Variants in PTPRO observed in about 807,000 individuals in gnomAD.
PTPRO encodes the protein protein tyrosine phosphatase receptor type O, also known as receptor-type tyrosine-protein phosphatase O.
Under a neutral mutation model 145.2 loss-of-function variants are expected in PTPRO, and 62 were observed. That is an observed-to-expected ratio of 0.43 (90% CI 0.35 to 0.53). The LOEUF is 0.53. Among genes scored for constraint, PTPRO ranks in the 20% least tolerant of loss-of-function variants. The pLI, the probability that PTPRO is intolerant of heterozygous loss-of-function variation, is 0.01. For synonymous variants in PTPRO, 565 were observed against 514.7 expected, an observed-to-expected ratio of 1.10 and a Z score of -1.32; for missense variants, 1,345 against 1,482.7, an observed-to-expected ratio of 0.91 and a Z score of 1.53.
chr12:15,346,399 G>A (rs1216996664), intron 1 of PTPRO: 1 of 152,172 alleles, frequency 6.6e-6, no homozygotes, highest in Non-Finnish European at 1.5e-5. Flanking sequence ...TCAGATGACA[G>A]TATACCTGCA....
Position 15,381,960 on chromosome 12 carries a change from T to C in PTPRO, c.75+59159T>C, listed in dbSNP as rs557672352. 7.8e-4 allele frequency among the ~76,000 whole-genome samples: 119 copies of C among 152,108 alleles called. No homozygotes were observed. The Middle Eastern group carries it at 0.017, about 22-fold the overall frequency. On this transcript the variant is annotated intron_variant, in intron 1 of 26. Coordinates refer to ENST00000281171, the MANE Select transcript of PTPRO (RefSeq NM_030667.3). ...AGATATACCTAACAATAATAGCCTT[T>C]TGTGGAAGATTATCTGAGCAAAATA...
intron 1 of PTPRO, among the ~76,000 whole-genome samples, chr12:15,445,852 T>C (rs1002905229): frequency 6.6e-6 from 1 of 152,118 alleles, no homozygotes; most frequent in Non-Finnish European, 1.5e-5. Context: ...CTTTGACATG[T>C]CTGGAACAAA....
At chr12:15,411,283 T>C (rs574831188) in intron 1 of PTPRO, among the ~76,000 whole-genome samples, 18 of 152,366 alleles carry the variant, frequency 1.2e-4, no homozygotes, top group East Asian at 3.9e-4. Flanking sequence ...TTTTTCTCCA[T>C]GTTTGCTTCC....
intron 1 of PTPRO, among the ~76,000 whole-genome samples, chr12:15,343,038 T>C (rs1438381430): frequency 6.6e-6 from 1 of 152,164 alleles, no homozygotes; most frequent in Non-Finnish European, 1.5e-5. Context: ...TTATCTAATT[T>C]TATCTTCCTC....
chr12:15,546,527 C>T, intron 12 of PTPRO, 42 bp from the exon 13 acceptor site: 1 of 1,549,402 alleles, frequency 6.5e-7, no homozygotes, highest in Middle Eastern at 1.7e-4. Context: ...AAAGAATACA[C>T]TTAGTAAATT....
intron 1 of PTPRO, among the ~76,000 whole-genome samples, chr12:15,362,045 G>A (rs1393951064): frequency 6.6e-6 from 1 of 152,124 alleles, no homozygotes; most frequent in Non-Finnish European, 1.5e-5. Flanking sequence ...CTGTGTGGAG[G>A]AGAATAAATT....
At chr12:15,403,568 G>A (rs954921658) in intron 1 of PTPRO, among the ~76,000 whole-genome samples, 6 of 152,182 alleles carry the variant, frequency 3.9e-5, no homozygotes, top group Non-Finnish European at 8.8e-5. Flanking sequence ...GGGTGAGAGA[G>A]CGAGACTCCG....
At chr12:15,500,089 GGATGGA>G (rs1942188864) in intron 4 of PTPRO, among the ~76,000 whole-genome samples, 7 of 151,790 alleles carry the variant, frequency 4.6e-5, no homozygotes, top group South Asian at 2.1e-4. Context: ...ATGGGTGGAT[GGATGGA>G]TGGATGGATG....
chr12:15,523,619 A>G (rs563973914), intron 10 of PTPRO, among the ~76,000 whole-genome samples: 1 of 152,056 alleles, frequency 6.6e-6, no homozygotes, highest in African/African-American at 2.4e-5. Flanking sequence ...TACAAAAAAT[A>G]TAAAAATTAG....
chr12:15,332,474 G>T (rs1417536738), intron 1 of PTPRO, among the ~76,000 whole-genome samples: 1 of 152,112 alleles, frequency 6.6e-6, no homozygotes, highest in East Asian at 1.9e-4. Context: ...ACTAATTCTG[G>T]CTTCAGTAAT....
At chr12:15,490,499 C>T (rs1381810757) in intron 2 of PTPRO, among the ~76,000 whole-genome samples, 1 of 152,150 alleles carries the variant, frequency 6.6e-6, no homozygotes, top group Non-Finnish European at 1.5e-5. Flanking sequence ...CCATGAAATA[C>T]TATTCTTTTG....
chr12:15,387,170 C>G (rs887776378), intron 1 of PTPRO, among the ~76,000 whole-genome samples: 16 of 152,140 alleles, frequency 1.1e-4, no homozygotes. Context: ...ATCATGCCAC[C>G]CCACTTCATT....
At chr12:15,500,360 AATTCACCTAATGTCAACAGTTAAG>A (rs1942195481) in intron 4 of PTPRO, among the ~76,000 whole-genome samples, 1 of 152,202 alleles carries the variant, frequency 6.6e-6, no homozygotes, top group Non-Finnish European at 1.5e-5. Flanking sequence ...CTAAATCACT[AATTCACCTAATGTCAACAGTTAAG>A]ATTCTATTTA....
intron 1 of PTPRO, among the ~76,000 whole-genome samples, chr12:15,403,870 T>C (rs1159801716): frequency 6.6e-6 from 1 of 152,022 alleles, no homozygotes; most frequent in East Asian, 1.9e-4. Context: ...AGAGATCCCA[T>C]GGTCTTATTA....
chr12:15,342,033 T>C (rs1867009617), intron 1 of PTPRO, among the ~76,000 whole-genome samples: 2 of 152,220 alleles, frequency 1.3e-5, no homozygotes, highest in Admixed American at 6.5e-5. Context: ...TCATTGACTC[T>C]GGGAGAGAGA....
At chr12:15,520,402 T>G in intron 10 of PTPRO, 90 bp downstream of exon 10, 1 of 902,588 alleles carries the variant, frequency 1.1e-6, no homozygotes, top group Non-Finnish European at 1.9e-6. Flanking sequence ...GTGCCAGTCA[T>G]TCACCCAGCA....
chr12:15,578,977 T>G, intron 20 of PTPRO, 34 bp downstream of exon 20: 1 of 1,497,186 alleles, frequency 6.7e-7, no homozygotes, highest in Non-Finnish European at 9.3e-7. Flanking sequence ...AACACTCATG[T>G]CTTAAGGGTT....
At chr12:15,427,019 A>G (rs1199913056) in intron 1 of PTPRO, among the ~76,000 whole-genome samples, 2 of 152,066 alleles carry the variant, frequency 1.3e-5, no homozygotes, top group African/African-American at 4.8e-5. Flanking sequence ...ACAGCGTAGC[A>G]GGTCAGAAAA....
chr12:15,339,136 G>A (rs1434895127), intron 1 of PTPRO, among the ~76,000 whole-genome samples: 2 of 152,180 alleles, frequency 1.3e-5, no homozygotes, highest in East Asian at 1.9e-4. Context: ...TCTTGGGCTG[G>A]AGGGAGCACT....
Sources: gnomAD v4.1 joint callset for allele counts (sites outside exome capture counted in the v4.1 genomes callset) on GRCh38, gnomAD v4.1.1 for gene constraint, MANE v1.5 for transcripts, NCBI Gene and HGNC (gene_info 2026-07-23, HGNC 2026-07-21) for gene names.